The following FBXL7 variants were observed in gnomAD, a reference collection of about 807,000 sequenced individuals.
FBXL7 encodes the protein F-box and leucine rich repeat protein 7.
A neutral mutation model predicts 38.3 loss-of-function variants in FBXL7; 12 were observed. The observed-to-expected ratio is 0.31, with a 90% CI of 0.20 to 0.51. The LOEUF (loss-of-function observed/expected upper bound fraction) is 0.51. FBXL7 is among the 20% of genes least tolerant of loss of function. The probability of loss-of-function intolerance (pLI) is 0.98; values close to 1 mark genes in which losing one functional copy is unlikely to be tolerated. For synonymous variants in FBXL7, 297 were observed against 300.9 expected, an observed-to-expected ratio of 0.99 and a Z score of 0.13; for missense variants, 567 against 676.4, an observed-to-expected ratio of 0.84 and a Z score of 1.79.
chr5:15,739,200 AG>A (rs1367893018), intron 2 of FBXL7, among the ~76,000 whole-genome samples: 3 of 152,068 alleles, frequency 2.0e-5, no homozygotes, highest in Admixed American at 2.0e-4. Flanking sequence ...GCTGGGCCTG[AG>A]GGACAGGATT....
chr5:15,793,161 G>T (rs1299947086), intron 2 of FBXL7, among the ~76,000 whole-genome samples: 1 of 152,144 alleles, frequency 6.6e-6, no homozygotes, highest in Non-Finnish European at 1.5e-5. Context: ...GGAAGTCCTG[G>T]ATCCCCAAGT....
chr5:15,509,153 CAG>C (rs1736727167), intron 1 of FBXL7, among the ~76,000 whole-genome samples: 1 of 152,196 alleles, frequency 6.6e-6, no homozygotes, highest in African/African-American at 2.4e-5. Flanking sequence ...GCATCTTCCT[CAG>C]GGAGCGCTGA....
intron 2 of FBXL7, among the ~76,000 whole-genome samples, chr5:15,923,096 C>A (rs145916060): frequency 6.6e-6 from 1 of 152,334 alleles, no homozygotes; most frequent in East Asian, 1.9e-4. Context: ...TTGCAGAATT[C>A]TTCTACCTCT....
At chr5:15,762,393 G>A (rs537578160) in intron 2 of FBXL7, among the ~76,000 whole-genome samples, 3 of 146,648 alleles carry the variant, frequency 2.0e-5, no homozygotes, top group East Asian at 4.1e-4. Context: ...GTGGGGGAAT[G>A]CCTGGGAGCA....
At chr5:15,786,433 T>C (rs1455204453) in intron 2 of FBXL7, among the ~76,000 whole-genome samples, 1 of 152,236 alleles carries the variant, frequency 6.6e-6, no homozygotes, top group Admixed American at 6.5e-5. Context: ...TTATATTTTT[T>C]GATGTTTTCT....
At chr5:15,745,208 A>G (rs1391773193) in intron 2 of FBXL7, among the ~76,000 whole-genome samples, 2 of 141,722 alleles carry the variant, frequency 1.4e-5, no homozygotes, top group East Asian at 2.2e-4. Flanking sequence ...AACTGTGACT[A>G]TGAAAGTGTA....
intron 2 of FBXL7, among the ~76,000 whole-genome samples, chr5:15,660,436 A>G (rs557252118): frequency 6.6e-6 from 1 of 152,338 alleles, no homozygotes; most frequent in East Asian, 1.9e-4. Flanking sequence ...GGCTCACTGC[A>G]ACCTTCACCT....
intron 1 of FBXL7, among the ~76,000 whole-genome samples, chr5:15,569,106 G>GT (rs1250389413): frequency 2.0e-5 from 3 of 152,204 alleles, no homozygotes; most frequent in Non-Finnish European, 4.4e-5. Context: ...CTTTAAAGTA[G>GT]TTTTTTCTAA....
chr5:15,592,315 A>C (rs1430691272), intron 1 of FBXL7, among the ~76,000 whole-genome samples: 2 of 152,206 alleles, frequency 1.3e-5, no homozygotes, highest in Non-Finnish European at 2.9e-5. Context: ...CAGCATGGAG[A>C]TGAGTTTTGG....
intron 2 of FBXL7, among the ~76,000 whole-genome samples, chr5:15,683,065 A>G (rs1231760175): frequency 6.6e-6 from 1 of 152,150 alleles, no homozygotes; most frequent in Non-Finnish European, 1.5e-5. Context: ...GGGAGATGAG[A>G]GCTGAAGGTG....
chr5:15,638,210 G>A (rs1048284704), intron 2 of FBXL7, among the ~76,000 whole-genome samples: 1 of 152,196 alleles, frequency 6.6e-6, no homozygotes, highest in Admixed American at 6.5e-5. Flanking sequence ...GGGAACGAGG[G>A]GGATCTTGTA....
At chr5:15,697,763 GTCT>G (rs1743385067) in intron 2 of FBXL7, among the ~76,000 whole-genome samples, 1 of 152,118 alleles carries the variant, frequency 6.6e-6, no homozygotes, top group Non-Finnish European at 1.5e-5. Flanking sequence ...GTGAGATTTT[GTCT>G]TCTTCTTTTG....
intron 1 of FBXL7, among the ~76,000 whole-genome samples, chr5:15,539,700 A>T (rs1356300313): frequency 1.3e-5 from 2 of 151,946 alleles, no homozygotes; most frequent in African/African-American, 4.8e-5. Flanking sequence ...GAAAGGAGCC[A>T]CTTTTCCAGC....
chr5:15,526,956 T>G (rs745714855), intron 1 of FBXL7, among the ~76,000 whole-genome samples: 1 of 152,186 alleles, frequency 6.6e-6, no homozygotes, highest in East Asian at 1.9e-4. Context: ...CATTCATGGG[T>G]TTATTTCAAA....
intron 2 of FBXL7, among the ~76,000 whole-genome samples, chr5:15,759,035 T>C (rs945509610): frequency 6.6e-6 from 1 of 152,220 alleles, no homozygotes. Flanking sequence ...GAGGTTATTA[T>C]ACTTTCTTGG....
intron 2 of FBXL7, among the ~76,000 whole-genome samples, chr5:15,772,215 C>T (rs918162717): frequency 6.6e-6 from 1 of 152,192 alleles, no homozygotes; most frequent in African/African-American, 2.4e-5. Context: ...CATCCACTTC[C>T]TCCTCTGCTC....
At chr5:15,523,192 C>T (rs1272082254) in intron 1 of FBXL7, among the ~76,000 whole-genome samples, 4 of 152,190 alleles carry the variant, frequency 2.6e-5, no homozygotes, top group East Asian at 1.9e-4. Flanking sequence ...CAGATTTCAC[C>T]GAGTTTATTA....
intron 2 of FBXL7, among the ~76,000 whole-genome samples, chr5:15,872,749 G>A (rs1419155201): frequency 6.6e-6 from 1 of 152,160 alleles, no homozygotes; most frequent in Non-Finnish European, 1.5e-5. Context: ...AAATATATTT[G>A]CACCCAATAC....
chr5:15,633,590 G>A (rs1741068980), intron 2 of FBXL7, among the ~76,000 whole-genome samples: 1 of 151,528 alleles, frequency 6.6e-6, no homozygotes, highest in Non-Finnish European at 1.5e-5. Context: ...TTTATACTCG[G>A]ATGCATCTGC....
Sources: gnomAD v4.1 joint callset for allele counts (sites outside exome capture counted in the v4.1 genomes callset) on GRCh38, gnomAD v4.1.1 for gene constraint, MANE v1.5 for transcripts, NCBI Gene and HGNC (gene_info 2026-07-23, HGNC 2026-07-21) for gene names.